Variants in MYH14 observed in about 807,000 individuals in gnomAD.
MYH14 encodes the protein myosin heavy chain 14.
A neutral mutation model predicts 255.5 loss-of-function variants in MYH14; 123 were observed. The ratio of observed to expected loss-of-function variants is 0.48; its 90% CI spans 0.42 to 0.56. The LOEUF (loss-of-function observed/expected upper bound fraction) is 0.56, where lower values mean the gene tolerates loss of function less well. Ranked by LOEUF, MYH14 falls within the 20% of genes least tolerant of loss-of-function variation. The pLI, the probability that MYH14 is intolerant of heterozygous loss-of-function variation, is 0.00. For synonymous variants in MYH14, 1,095 were observed against 1,161.2 expected (o/e 0.94, Z 1.16); for missense variants, 2,423 against 2,802.3 (o/e 0.86, Z 3.06).
At chr19:50,217,828 C>A (rs560937808) in intron 3 of MYH14, 57 bp downstream of exon 3, 4 of 1,583,412 alleles carry the variant, frequency 2.5e-6, no homozygotes, top group South Asian at 1.1e-5. Context: ...GGGGCCTGAC[C>A]TGGGGCTGCC....
In MYH14 at chr19:50,309,620, C is replaced by G. The variant is rs768680625; in HGVS notation, c.5961-20C>G. On this transcript the variant is annotated intron_variant, in intron 42 of 42. Coordinates refer to ENST00000642316, the MANE Select transcript of MYH14 (RefSeq NM_001145809.2). The stretch of plus-strand genomic sequence containing the variant: ...CCTCCCCTCATTTCATCTCTGTATC[C>G]TGGTCTCTCCTCCCCACAGACGCGG... 46 of 1,590,646 alleles carry G rather than the reference C, an allele frequency of 2.9e-5. No homozygotes were observed. The highest frequency in any genetic ancestry group is 3.9e-5 in the Non-Finnish European group (45 of 1,165,620).
chr19:50,236,685 G>GT (rs2033674011), intron 10 of MYH14, among the ~76,000 whole-genome samples: 2 of 151,972 alleles, frequency 1.3e-5, no homozygotes, highest in Non-Finnish European at 2.9e-5. Context: ...TCCAGCCTGG[G>GT]TGTCAGAGCA....
In MYH14 at chr19:50,266,750, C is replaced by A; in HGVS notation, c.2695-127C>A. 7.8e-7 allele frequency: 1 copy of A among 1,275,036 alleles called. No homozygotes were observed. Among genetic ancestry groups the A allele is most frequent in the Non-Finnish European group, 1.1e-6 (1 of 914,590 alleles). The allele number at this position is 1,275,036 out of a possible 1,614,324, so 79.0% of individuals were successfully genotyped here. On this transcript the variant is annotated intron_variant, in intron 22 of 42. Transcript: ENST00000642316. The surrounding 1 kb of genome is among the most constrained non-coding windows in gnomAD (Gnocchi z 4.1). The stretch of plus-strand genomic sequence containing the variant: ...CTAGGCCTGTGACCAGGGACTGTTG[C>A]CAAGGCGGGGACACACAGCTAATAG...
intron 8 of MYH14, among the ~76,000 whole-genome samples, chr19:50,227,863 C>G (rs1302339919): frequency 1.3e-5 from 2 of 152,140 alleles, no homozygotes; most frequent in Non-Finnish European, 2.9e-5. Context: ...CAGTTTCTCC[C>G]TCTGTAGAAG....
intron 34 of MYH14, among the ~76,000 whole-genome samples, chr19:50,288,548 T>C (rs529627407): frequency 4.6e-5 from 7 of 152,290 alleles, no homozygotes; most frequent in African/African-American, 1.7e-4. Context: ...ACAAAATAAA[T>C]TGGCAAGTAC....
intron 8 of MYH14, among the ~76,000 whole-genome samples, chr19:50,228,445 G>T (rs1357088414): frequency 6.6e-6 from 1 of 152,098 alleles, no homozygotes; most frequent in African/African-American, 2.4e-5. Flanking sequence ...CATAATCAGT[G>T]GGGAGGGGTT....
At position 50,281,644 on chromosome 19, in the gene MYH14, A is replaced by G. The variant is rs1280867733; in HGVS notation, c.4341A>G (p.Ala1447=). ...AGGAGGAGGCAGGGGCACTGGAGGC[A>G]GGGGAGGAGGCACGGCGCCGGGCAG... ...RQEEEAGALE[A]GEEARRRAAR... Residue 1447 remains alanine (A), a synonymous_variant, in exon 33 of 43, where the codon GCA becomes GCG. Transcript: ENST00000642316. 1 of 1,606,998 alleles carries G rather than the reference A, an allele frequency of 6.2e-7. No homozygotes were observed. Among genetic ancestry groups the G allele is most frequent in the East Asian group, 2.2e-5 (1 of 44,730 alleles).
chr19:50,294,926 A>G (rs1226976243), intron 39 of MYH14, among the ~76,000 whole-genome samples: 1 of 151,844 alleles, frequency 6.6e-6, no homozygotes, highest in Non-Finnish European at 1.5e-5. Context: ...ATGGGATACT[A>G]TGTCATCTAC....
chr19:50,239,294 C>T (rs2033797567), intron 10 of MYH14, among the ~76,000 whole-genome samples: 1 of 152,248 alleles, frequency 6.6e-6, no homozygotes, highest in Non-Finnish European at 1.5e-5. Context: ...GCTGCGATTA[C>T]AGGCGTGAGC....
intron 1 of MYH14, among the ~76,000 whole-genome samples, chr19:50,206,971 T>C (rs529901200): frequency 7.1e-6 from 1 of 140,722 alleles, no homozygotes; most frequent in East Asian, 2.2e-4. Context: ...CCCAGCACTG[T>C]GGAGGCCAAA....
At chr19:50,259,310 G>A (rs2034732686) in intron 19 of MYH14, 45 bp downstream of exon 19, 2 of 1,548,452 alleles carry the variant, frequency 1.3e-6, no homozygotes, top group African/African-American at 1.4e-5. Context: ...GGCTGGGTGG[G>A]ACCCGGGTCT....
intron 1 of MYH14, 68 bp from the exon 2 acceptor site, chr19:50,210,295 G>T: frequency 7.1e-7 from 1 of 1,406,924 alleles, no homozygotes; most frequent in East Asian, 2.8e-5. Flanking sequence ...GGGGAATTTG[G>T]GGTAGGGAAG....
At chr19:50,205,580 G>A (rs1181567446) in intron 1 of MYH14, 2 of 152,372 alleles carry the variant, frequency 1.3e-5, no homozygotes, top group Non-Finnish European at 2.9e-5. Flanking sequence ...TGCGAGTTGA[G>A]GGGGCGGCGA....
At position 50,250,003 on chromosome 19, in the gene MYH14, A is replaced by G. The variant is rs2034303547; in HGVS notation, c.1656+180A>G. The stretch of plus-strand genomic sequence containing the variant: ...TGACCATAGGTGATTAGGGCCCAGA[A>G]TGTGCCTGCCACAGGGCCCGGCTCA... On this transcript the variant is annotated intron_variant, in intron 14 of 42. Coordinates refer to ENST00000642316, the MANE Select transcript of MYH14 (RefSeq NM_001145809.2). The surrounding 1 kb of genome is among the most constrained non-coding windows in gnomAD (Gnocchi z 5.4). Among the ~76,000 whole-genome samples the G allele has an allele frequency of 6.6e-6, 1 of 152,240 alleles. No homozygotes were observed. Among genetic ancestry groups the G allele is most frequent in the African/African-American group, 2.4e-5 (1 of 41,470 alleles).
chr19:50,207,265 G>GAGAGTC (rs1568458321), intron 1 of MYH14, among the ~76,000 whole-genome samples: 2 of 119,406 alleles, frequency 1.7e-5, no homozygotes, highest in Non-Finnish European at 3.4e-5. Context: ...GAAAGAGAGA[G>GAGAGTC]AGAGACAGAG....
chr19:50,305,455 G>A (rs1241490911), intron 40 of MYH14, among the ~76,000 whole-genome samples: 2 of 152,062 alleles, frequency 1.3e-5, no homozygotes, highest in African/African-American at 2.4e-5. Flanking sequence ...AGAGTGAAAG[G>A]CCTCAGGGAC....
intron 29 of MYH14, among the ~76,000 whole-genome samples, chr19:50,277,485 A>G (rs1466155181): frequency 2.0e-5 from 3 of 151,950 alleles, no homozygotes; most frequent in Admixed American, 1.3e-4. Context: ...ACACACGCCT[A>G]TAGTCCCAGC....
rs375078082 is a variant in MYH14 at position 50,309,190 on chromosome 19, C to T, written c.5960+13C>T. ...GGAACCGGCTTCGGTATGGTCATCC[C>T]ACGTACAGGCCTGACGGGTGGGGAG... On this transcript the variant is annotated intron_variant, in intron 42 of 42. Transcript: ENST00000642316. 3.1e-6 allele frequency: 5 copies of T among 1,613,362 alleles called. No homozygotes were observed. Among genetic ancestry groups the T allele is most frequent in the Non-Finnish European group, 4.2e-6 (5 of 1,179,402 alleles).
At chr19:50,217,509 T>C (rs2032543425) in intron 2 of MYH14, 106 bp from the exon 3 acceptor site, 1 of 1,222,860 alleles carries the variant, frequency 8.2e-7, no homozygotes, top group Admixed American at 1.7e-5. Flanking sequence ...ACATACCATG[T>C]GCAGATAGAT....
Sources: allele counts gnomAD v4.1 joint callset (sites outside exome capture counted in the v4.1 genomes callset), GRCh38; gene constraint gnomAD v4.1.1; non-coding constraint Gnocchi (gnomAD v3.1); transcripts MANE v1.5; gene names NCBI Gene and HGNC (gene_info 2026-07-23, HGNC 2026-07-21).